ADAMTSL1: variants seen among roughly 807,000 people sequenced by gnomAD.
ADAMTSL1 encodes ADAMTS-like protein 1.
In ADAMTSL1, 126 loss-of-function variants were observed where a neutral mutation model predicts 201.8. The observed-to-expected ratio is 0.62, with a 90% CI of 0.54 to 0.72. The LOEUF (loss-of-function observed/expected upper bound fraction) is 0.72. Ranked by LOEUF, ADAMTSL1 falls within the 30% of genes least tolerant of loss-of-function variation. ADAMTSL1 has a pLI of 0.00. For synonymous variants in ADAMTSL1, 1,121 were observed against 903.4 expected, an observed-to-expected ratio of 1.24 and a Z score of -4.32; for missense variants, 2,679 against 2,277.8, an observed-to-expected ratio of 1.18 and a Z score of -3.59.
chr9:18,269,443 A>T lies in ADAMTSL1; in HGVS notation c.207+105462A>T, dbSNP rs144572129. Among the ~76,000 whole-genome samples, 837 of 152,282 alleles carry T rather than the reference A, an allele frequency of 5.5e-3. 9 individuals are homozygous for T. The highest frequency in any genetic ancestry group is 0.02 in the African/African-American group (812 of 41,564). On this transcript the variant is annotated intron_variant, in intron 2 of 29. Coordinates refer to the ADAMTSL1 transcript ENST00000680146. ...ACTTGACACTTTGAGTTCTAAGAAG[A>T]TATATAACACATCAAATAAAAACCT...
chr9:18,259,733 C>A (rs1831842805), intron 2 of ADAMTSL1, among the ~76,000 whole-genome samples: 1 of 152,180 alleles, frequency 6.6e-6, no homozygotes, highest in South Asian at 2.1e-4. Context: ...GGTCTAATAA[C>A]GCCTAATGCG....
chr9:17,948,095 C>G (rs1251323077), intron 1 of ADAMTSL1, among the ~76,000 whole-genome samples: 1 of 152,154 alleles, frequency 6.6e-6, no homozygotes, highest in East Asian at 1.9e-4. Flanking sequence ...GAAATGGAAA[C>G]TCAGTGCTTA....
In ADAMTSL1 at chr9:18,310,284, C is replaced by G. The variant is rs952345918; in HGVS notation, c.207+146303C>G. 3.5e-4 allele frequency among the ~76,000 whole-genome samples: 50 copies of G among 142,412 alleles called. 1 individual carries two copies. The allele number at this position is 142,412 out of a possible 152,430, so 93.4% of individuals were successfully genotyped here. A position where few individuals can be genotyped will look rare whatever the true frequency, so the allele number is the denominator to read the frequency against. On this transcript the variant is annotated intron_variant, in intron 2 of 29. Transcript: ENST00000680146. ...TTTAGGACATAGGCATGGGCAAACA[C>G]TTCATGACTAAAACACCAAAGTAAT...
chr9:18,012,231 G>A (rs1467025538), intron 1 of ADAMTSL1, among the ~76,000 whole-genome samples: 1 of 152,016 alleles, frequency 6.6e-6, no homozygotes, highest in African/African-American at 2.4e-5. Flanking sequence ...GGGAAGGGTG[G>A]TGGCTTCTAA....
chr9:18,223,541 T>C (rs1830338275), intron 2 of ADAMTSL1, among the ~76,000 whole-genome samples: 2 of 152,132 alleles, frequency 1.3e-5, no homozygotes, highest in African/African-American at 4.8e-5. Flanking sequence ...GTCTAATCTC[T>C]TTAAATCTGA....
Position 18,061,833 on chromosome 9 carries a change from C to T in ADAMTSL1, c.88-102029C>T, listed in dbSNP as rs190520582. 1.1e-3 allele frequency among the ~76,000 whole-genome samples: 164 copies of T among 152,294 alleles called. 1 individual carries two copies. Among genetic ancestry groups the T allele is most frequent in the African/African-American group, 3.8e-3 (156 of 41,580 alleles). The stretch of plus-strand genomic sequence containing the variant: ...CCATGCAATAGATAAAGTGCATTGG[C>T]GGTTTCAAAATCTCCCGTGATAGAA... On this transcript the variant is annotated intron_variant, in intron 1 of 29. Transcript: ENST00000680146.
intron 23 of ADAMTSL1, among the ~76,000 whole-genome samples, chr9:18,877,022 C>T (rs1404127787): frequency 6.6e-6 from 1 of 152,092 alleles, no homozygotes; most frequent in Non-Finnish European, 1.5e-5. Flanking sequence ...CTTTCATCTA[C>T]TTGTTTTATT....
In ADAMTSL1 at chr9:18,066,762, A is replaced by G. The variant is rs1259850704; in HGVS notation, c.88-97100A>G. ...CAAATGTCCAACAATGATAGACTGG[A>G]TTAAGAAAATGTGGCACATATACAC... On this transcript the variant is annotated intron_variant, in intron 1 of 29. Coordinates refer to the ADAMTSL1 transcript ENST00000680146. Among the ~76,000 whole-genome samples the G allele has an allele frequency of 2.0e-5, 3 of 152,236 alleles. No homozygotes were observed. In the East Asian group the frequency reaches 5.8e-4, roughly 29 times the overall value.
intron 1 of ADAMTSL1, among the ~76,000 whole-genome samples, chr9:18,502,731 A>G (rs752480619): frequency 5.9e-5 from 9 of 152,166 alleles, no homozygotes; most frequent in Admixed American, 1.3e-4. Context: ...AGCAGATTAC[A>G]TCACCAGGCA....
At chr9:18,751,843 C>CATAAAG (rs376759406) in intron 15 of ADAMTSL1, among the ~76,000 whole-genome samples, 1 of 37,790 alleles carries the variant, frequency 2.6e-5, no homozygotes. Flanking sequence ...ATACAACTTG[C>CATAAAG]ACTTTGGGAG....
chr9:18,681,401 G>A (rs1028781518), intron 11 of ADAMTSL1: 1 of 152,900 alleles, frequency 6.5e-6, no homozygotes, highest in Admixed American at 6.5e-5. Flanking sequence ...TGATATCCAT[G>A]TAGGGGTATT....
chr9:18,202,766 C>A (rs1829502347), intron 2 of ADAMTSL1, among the ~76,000 whole-genome samples: 1 of 152,162 alleles, frequency 6.6e-6, no homozygotes, highest in Non-Finnish European at 1.5e-5. Context: ...AGGATAGTGT[C>A]TTCTTTGTTT....
At chr9:18,436,662 T>A (rs993574104) in intron 2 of ADAMTSL1, among the ~76,000 whole-genome samples, 8 of 152,192 alleles carry the variant, frequency 5.3e-5, no homozygotes, top group Non-Finnish European at 7.3e-5. Flanking sequence ...CAGACACTTT[T>A]CAGCTCTTAT....
chr9:18,186,469 C>A (rs1346596355), intron 2 of ADAMTSL1, among the ~76,000 whole-genome samples: 1 of 152,122 alleles, frequency 6.6e-6, no homozygotes, highest in South Asian at 2.1e-4. Flanking sequence ...TAGTCCCTAC[C>A]CAAATACATC....
chr9:18,554,125 A>G (rs1820959860), intron 3 of ADAMTSL1, among the ~76,000 whole-genome samples: 1 of 151,552 alleles, frequency 6.6e-6, no homozygotes, highest in African/African-American at 2.4e-5. Context: ...CGACCTGAAA[A>G]TTTATAAAAA....
In ADAMTSL1 at chr9:18,738,610, C is replaced by T. The variant is rs145187670; in HGVS notation, c.2007-14688C>T. Among the ~76,000 whole-genome samples the T allele has an allele frequency of 1.6e-4, 24 of 152,212 alleles. No individual in the cohort carries two copies. The East Asian group carries it at 4.2e-3, about 27-fold the overall frequency. ...TATTCAGAATCTAATTGCTGAGTTG[C>T]CCCCACTGTTTCTGTTTTCCTAGCT... On this transcript the variant is annotated intron_variant, in intron 15 of 28. Coordinates refer to ENST00000380548, the MANE Select transcript of ADAMTSL1 (RefSeq NM_001040272.6).
At chr9:18,607,256 T>C (rs71506880) in intron 4 of ADAMTSL1, among the ~76,000 whole-genome samples, 6,804 of 152,250 alleles carry the variant, frequency 0.045, 197 homozygotes, top group East Asian at 0.13. Flanking sequence ...AGTTCAACTT[T>C]CGATTGTAAA....
At chr9:18,511,498 A>G (rs1273269787) in intron 2 of ADAMTSL1, among the ~76,000 whole-genome samples, 3 of 152,140 alleles carry the variant, frequency 2.0e-5, no homozygotes, top group African/African-American at 7.2e-5. Context: ...AAGAAATAAA[A>G]ATCACACAAG....
intron 7 of ADAMTSL1, among the ~76,000 whole-genome samples, chr9:18,655,846 C>T (rs1312790731): frequency 9.8e-6 from 1 of 102,460 alleles, no homozygotes; most frequent in East Asian, 2.4e-4. Flanking sequence ...AAGAACTTTC[C>T]AAGGAATGTG....
Sources: allele counts gnomAD v4.1 joint callset (sites outside exome capture counted in the v4.1 genomes callset), GRCh38; gene constraint gnomAD v4.1.1; transcripts MANE v1.5; gene names NCBI Gene and HGNC (gene_info 2026-07-23, HGNC 2026-07-21).